The following ARMC3 variants were observed in gnomAD, a reference collection of about 807,000 sequenced individuals.
ARMC3 encodes armadillo repeat containing 3.
In ARMC3, 74 loss-of-function variants were observed where a neutral mutation model predicts 90.3. The ratio of observed to expected loss-of-function variants is 0.82; its 90% confidence interval spans 0.68 to 0.99. The LOEUF (loss-of-function observed/expected upper bound fraction) is 0.99. Ranked by LOEUF, ARMC3 falls within the 50% of genes least tolerant of loss-of-function variation. ARMC3 has a pLI of 0.00. For missense variants in ARMC3, 958 were observed against 1,042.8 expected, an observed-to-expected ratio of 0.92 and a Z score of 1.12; for synonymous variants, 334 against 361.8, an observed-to-expected ratio of 0.92 and a Z score of 0.87.
At chr10:22,948,563 T>C (rs969786244) in intron 3 of ARMC3, among the ~76,000 whole-genome samples, 3 of 151,902 alleles carry the variant, frequency 2.0e-5, no homozygotes, top group Admixed American at 6.6e-5. Context: ...ACTTACTCTA[T>C]TGGTGGAAAC....
chr10:22,946,786 A>G (rs1480323917), intron 3 of ARMC3: 1 of 152,300 alleles, frequency 6.6e-6, no homozygotes, highest in African/African-American at 2.4e-5. Context: ...CTTATTTCCA[A>G]AGAGTACAAT....
chr10:23,031,048 G>A (rs1343950790), intron 17 of ARMC3: 2 of 393,002 alleles, frequency 5.1e-6, no homozygotes, highest in Non-Finnish European at 9.1e-6. Context: ...GCTAGACCAT[G>A]AAAAGCATCT....
chr10:23,018,472 G>A (rs1390413348), intron 16 of ARMC3, among the ~76,000 whole-genome samples: 1 of 151,406 alleles, frequency 6.6e-6, no homozygotes, highest in East Asian at 1.9e-4. Flanking sequence ...AAACCAAAAA[G>A]GCATCTATAA....
At chr10:23,034,314 T>A (rs1356497768) in intron 18 of ARMC3, among the ~76,000 whole-genome samples, 1 of 152,202 alleles carries the variant, frequency 6.6e-6, no homozygotes, top group Non-Finnish European at 1.5e-5. Flanking sequence ...GCTTTTATCA[T>A]AATAGCTACA....
At chr10:22,971,963 A>G (rs1260839348) in intron 8 of ARMC3, among the ~76,000 whole-genome samples, 2 of 152,210 alleles carry the variant, frequency 1.3e-5, no homozygotes, top group African/African-American at 4.8e-5. Flanking sequence ...AAGCATCTTT[A>G]TCGTGTACTT....
At chr10:23,032,335 A>G (rs993229666) in intron 17 of ARMC3, among the ~76,000 whole-genome samples, 1 of 152,124 alleles carries the variant, frequency 6.6e-6, no homozygotes, top group Non-Finnish European at 1.5e-5. Flanking sequence ...AAGTCACACC[A>G]TGTCTTTCTC....
At chr10:22,981,245 G>A (rs1836168375) in intron 8 of ARMC3, 95 bp from the exon 9 acceptor site, 2 of 1,194,824 alleles carry the variant, frequency 1.7e-6, no homozygotes, top group Admixed American at 2.9e-5. Context: ...CTACCAAATT[G>A]TTTGAATTCC....
intron 2 of ARMC3, among the ~76,000 whole-genome samples, chr10:22,945,581 T>A (rs1054682904): frequency 1.3e-5 from 2 of 152,242 alleles, no homozygotes; most frequent in Non-Finnish European, 2.9e-5. Context: ...CTGCTTTTTT[T>A]ATTGTTTTAC....
At position 22,941,250 on chromosome 10, in the gene ARMC3, T is replaced by C. The variant is rs191138631; in HGVS notation, c.49-4894T>C. Among the ~76,000 whole-genome samples the C allele has an allele frequency of 1.8e-3, 268 of 152,326 alleles. 1 individual carries two copies. Among genetic ancestry groups the C allele is most frequent in the African/African-American group, 5.8e-3 (243 of 41,572 alleles). Reference sequence around the variant, plus strand: ...AGAATGTTGTGGGGCATGGAAACTTTCACATATTGCTTGGAATGGTTGGTT... The same window carrying C: ...AGAATGTTGTGGGGCATGGAAACTTCCACATATTGCTTGGAATGGTTGGTT... On this transcript the variant is annotated intron_variant, in intron 2 of 18. Coordinates refer to ENST00000298032, the MANE Select transcript of ARMC3 (RefSeq NM_173081.5).
chr10:22,928,421 T>C (rs1341662652), intron 1 of ARMC3, among the ~76,000 whole-genome samples: 1 of 152,206 alleles, frequency 6.6e-6, no homozygotes, highest in Non-Finnish European at 1.5e-5. Context: ...CCTCCTCCTC[T>C]TTAAATCTTC....
At position 22,955,851 on chromosome 10, in the gene ARMC3, C is replaced by A. The variant is rs772339200; in HGVS notation, c.211C>A (p.Pro71Thr). 9 of 1,613,830 alleles carry A rather than the reference C, an allele frequency of 5.6e-6. No individual in the cohort carries two copies. Among genetic ancestry groups the A allele is most frequent in the East Asian group, 4.5e-5 (2 of 44,884 alleles). The change falls in exon 4 of 19, where the codon CCT becomes ACT. Residue 71 changes from proline (P) to threonine (T), a missense_variant. Pro to Thr is a conservative substitution (Grantham distance 38). Transcript: ENST00000298032. ...TTLLELGAVE[P>T]LTKLLTHEDK... ...CCTCCTTGAACTTGGAGCTGTGGAA[C>A]CTTTAACTAAGCTACTCACCCATGA...
At chr10:22,993,375 A>C (rs1836797499) in intron 10 of ARMC3, among the ~76,000 whole-genome samples, 1 of 152,226 alleles carries the variant, frequency 6.6e-6, no homozygotes, top group African/African-American at 2.4e-5. Context: ...ATACCATCTA[A>C]AAATTACCTC....
At chr10:22,928,412 C>T (rs918580369) in intron 1 of ARMC3, among the ~76,000 whole-genome samples, 1 of 152,104 alleles carries the variant, frequency 6.6e-6, no homozygotes, top group Non-Finnish European at 1.5e-5. Flanking sequence ...TTCTTGAGCC[C>T]TCCTCCTCTT....
At position 22,968,468 on chromosome 10, in the gene ARMC3, A is replaced by G. The variant is rs568098038; in HGVS notation, c.895A>G (p.Ile299Val). 74 of 1,597,906 alleles carry G rather than the reference A, an allele frequency of 4.6e-5. No individual in the cohort carries two copies. The highest frequency in any genetic ancestry group is 1.8e-5 in the Admixed American group (1 of 55,264). The change falls in exon 8 of 19, where the codon ATT becomes GTT. Residue 299 changes from isoleucine (I) to valine (V), a missense_variant. Physicochemically the swap from Ile to Val is conservative, Grantham distance 29 (BLOSUM62 3). Transcript: ENST00000298032. The stretch of plus-strand genomic sequence containing the variant: ...TATTCAGAAGAATGCAGCAAAAGCC[A>G]TTACTAAAGCAGCTTATGATCGTAT... ...PDIQKNAAKA[I>V]TKAAYDPENR...
At position 23,032,872 on chromosome 10, in the gene ARMC3, AAAAAATGGGTGGTAAGATTCC is replaced by A; in HGVS notation, c.2263_2283del (p.Met755_Lys761del). 6.2e-7 allele frequency: 1 copy of A among 1,611,838 alleles called. No individual in the cohort carries two copies. The highest frequency in any genetic ancestry group is 1.1e-5 in the South Asian group (1 of 90,908). On this transcript the variant is annotated inframe_deletion, in exon 18 of 19. Coordinates refer to ENST00000298032, the MANE Select transcript of ARMC3 (RefSeq NM_173081.5). ...TGTAATTGACACAGGTATGTAGCAGAAAAAATGGGTGGTAAGATTCCAAAAGAGAAACTACCTGATTTCAGC... is the reference window on the plus strand; with the variant it reads ...TGTAATTGACACAGGTATGTAGCAGAAAAAGAGAAACTACCTGATTTCAGC...
intron 11 of ARMC3, among the ~76,000 whole-genome samples, chr10:23,000,687 A>T (rs1460085427): frequency 6.6e-6 from 1 of 152,232 alleles, no homozygotes; most frequent in Non-Finnish European, 1.5e-5. Context: ...AAGCATAAGG[A>T]TGCTTCAAGT....
intron 3 of ARMC3, among the ~76,000 whole-genome samples, chr10:22,949,034 T>C (rs1039280273): frequency 3.9e-5 from 6 of 152,186 alleles, no homozygotes; most frequent in South Asian, 2.1e-4. Context: ...TCAGAATTCA[T>C]GGAGCATTGT....
chr10:23,003,791 C>T (rs1217727845), intron 13 of ARMC3, among the ~76,000 whole-genome samples: 2 of 151,670 alleles, frequency 1.3e-5, no homozygotes, highest in African/African-American at 4.8e-5. Flanking sequence ...TATGGTTGTG[C>T]CTGTGAATAG....
intron 2 of ARMC3, among the ~76,000 whole-genome samples, chr10:22,934,761 A>G (rs1343012240): frequency 6.6e-6 from 1 of 152,170 alleles, no homozygotes; most frequent in Non-Finnish European, 1.5e-5. Flanking sequence ...GATCAATGTA[A>G]AATGCTTAGA....
Sources: allele counts gnomAD v4.1 joint callset (sites outside exome capture counted in the v4.1 genomes callset), GRCh38; gene constraint gnomAD v4.1.1; transcripts MANE v1.5; gene names NCBI Gene and HGNC (gene_info 2026-07-23, HGNC 2026-07-21).